The following UNC5D variants were observed in gnomAD, a reference collection of about 807,000 sequenced individuals.
UNC5D encodes the protein unc-5 netrin receptor D.
A neutral mutation model predicts 105.4 loss-of-function variants in UNC5D; 39 were observed. The observed-to-expected ratio is 0.37, with a 90% confidence interval of 0.29 to 0.48. The LOEUF (loss-of-function observed/expected upper bound fraction) is 0.48, where lower values mean the gene tolerates loss of function less well. Among genes scored for constraint, UNC5D ranks in the 20% least tolerant of loss-of-function variants. The pLI is 0.98. For missense variants in UNC5D, 991 were observed against 1,202.4 expected (o/e 0.82, Z 2.60); for synonymous variants, 452 against 450.4 (o/e 1.00, Z -0.04).
chr8:35,287,148 C>T (rs1459801671), intron 1 of UNC5D, among the ~76,000 whole-genome samples: 1 of 152,188 alleles, frequency 6.6e-6, no homozygotes, highest in East Asian at 1.9e-4. Context: ...CACCAAAAAA[C>T]ACCTGCAAAG....
intron 7 of UNC5D, among the ~76,000 whole-genome samples, chr8:35,697,514 G>A (rs1826873534): frequency 6.6e-6 from 1 of 151,892 alleles, no homozygotes; most frequent in Admixed American, 6.6e-5. Flanking sequence ...CTTAGGGACT[G>A]ACTTATCAAA....
chr8:35,522,428 G>C (rs146233869), intron 1 of UNC5D, among the ~76,000 whole-genome samples: 7 of 152,084 alleles, frequency 4.6e-5, no homozygotes, highest in Admixed American at 3.3e-4. Context: ...GAACTCCAAG[G>C]GTTTATGAAG....
At position 35,558,550 on chromosome 8, in the gene UNC5D, A is replaced by G. The variant is rs557973995; in HGVS notation, c.322+9040A>G. On this transcript the variant is annotated intron_variant, in intron 2 of 16. Coordinates refer to ENST00000404895, the MANE Select transcript of UNC5D (RefSeq NM_080872.4). ...TGAAGCAGTAAGAGACAAATGGAAA[A>G]CATTCCCTTATATAAGTGGAAGACT... Among the ~76,000 whole-genome samples, 36 of 152,294 alleles carry G rather than the reference A, an allele frequency of 2.4e-4. No individual in the cohort carries two copies. In the South Asian group the frequency reaches 5.6e-3, roughly 24 times the overall value.
intron 3 of UNC5D, among the ~76,000 whole-genome samples, chr8:35,587,941 T>C (rs779992026): frequency 2.2e-5 from 3 of 139,274 alleles, no homozygotes; most frequent in Non-Finnish European, 4.6e-5. Context: ...AATTTCTTTT[T>C]AGGGTTTTTC....
At chr8:35,428,737 A>G (rs1806426458) in intron 1 of UNC5D, among the ~76,000 whole-genome samples, 1 of 152,098 alleles carries the variant, frequency 6.6e-6, no homozygotes, top group Admixed American at 6.6e-5. Flanking sequence ...GTTTTCTAAC[A>G]TCACTTAACT....
At chr8:35,700,486 G>A (rs1423543316) in intron 7 of UNC5D, among the ~76,000 whole-genome samples, 1 of 151,954 alleles carries the variant, frequency 6.6e-6, no homozygotes, top group Non-Finnish European at 1.5e-5. Flanking sequence ...GTGTTTTAGT[G>A]ACTATAAGTT....
intron 11 of UNC5D, among the ~76,000 whole-genome samples, chr8:35,747,148 T>C (rs1830050869): frequency 6.6e-6 from 1 of 152,200 alleles, no homozygotes; most frequent in African/African-American, 2.4e-5. Flanking sequence ...CAGGGCTTCT[T>C]GGAGAGGGGA....
At chr8:35,372,415 T>C (rs1802473518) in intron 1 of UNC5D, among the ~76,000 whole-genome samples, 1 of 152,086 alleles carries the variant, frequency 6.6e-6, no homozygotes, top group Non-Finnish European at 1.5e-5. Flanking sequence ...TGAGCCACCA[T>C]GCCCAGATCT....
At chr8:35,686,742 G>A in intron 7 of UNC5D, 33 bp downstream of exon 7, 1 of 1,528,956 alleles carries the variant, frequency 6.5e-7, no homozygotes, top group Non-Finnish European at 8.8e-7. Context: ...TTCAGTGTTT[G>A]TTCATAATAC....
At chr8:35,386,801 T>G (rs1459464270) in intron 1 of UNC5D, among the ~76,000 whole-genome samples, 1 of 152,222 alleles carries the variant, frequency 6.6e-6, no homozygotes, top group Non-Finnish European at 1.5e-5. Context: ...AGGGACAATT[T>G]GAGCTTACCT....
chr8:35,521,260 CAAAG>C (rs909409288), intron 1 of UNC5D, among the ~76,000 whole-genome samples: 5 of 151,948 alleles, frequency 3.3e-5, no homozygotes, highest in African/African-American at 7.3e-5. Context: ...GAGAAAATAA[CAAAG>C]AAGAAGACGA....
chr8:35,552,775 C>T (rs1816260784), intron 2 of UNC5D, among the ~76,000 whole-genome samples: 1 of 152,144 alleles, frequency 6.6e-6, no homozygotes, highest in South Asian at 2.1e-4. Context: ...ATGGAGAGGC[C>T]TGGTGCTGGG....
intron 1 of UNC5D, among the ~76,000 whole-genome samples, chr8:35,447,606 A>C (rs74766405): frequency 0.028 from 4,189 of 152,178 alleles, 213 homozygotes; most frequent in African/African-American, 0.095. Context: ...ACTAAAGTAA[A>C]ATTTAAAGTG....
chr8:35,658,619 C>T (rs1384747763), intron 4 of UNC5D, among the ~76,000 whole-genome samples: 1 of 149,678 alleles, frequency 6.7e-6, no homozygotes, highest in African/African-American at 2.5e-5. Flanking sequence ...AGGAAGTGAC[C>T]TTAAAGGGAG....
intron 13 of UNC5D, among the ~76,000 whole-genome samples, chr8:35,755,875 A>T (rs1830497295): frequency 1.3e-5 from 2 of 152,172 alleles, no homozygotes; most frequent in South Asian, 2.1e-4. Flanking sequence ...ATCAAGCCTC[A>T]CTTTGGGGAT....
At chr8:35,271,273 A>C (rs915590729) in intron 1 of UNC5D, among the ~76,000 whole-genome samples, 1 of 145,716 alleles carries the variant, frequency 6.9e-6, no homozygotes, top group African/African-American at 2.5e-5. Context: ...ATATGTATAC[A>C]TATATGTGTG....
rs760238428 is a variant in UNC5D, at chr8:35,726,789, G to GT, written c.1681+263dup. On this transcript the variant is annotated intron_variant, in intron 10 of 16. Coordinates refer to ENST00000404895, the MANE Select transcript of UNC5D (RefSeq NM_080872.4). Reference sequence around the variant, plus strand: ...GCTGATAACTATATTTGCCTGAAAGGTTTGGGTAGTCCCCAGGCTTTAAGC... The same window carrying GT: ...GCTGATAACTATATTTGCCTGAAAGGTTTTGGGTAGTCCCCAGGCTTTAAGC... 1.5e-4 allele frequency: 79 copies of GT among 520,758 alleles called. 1 individual carries two copies. Among genetic ancestry groups the GT allele is most frequent in the Non-Finnish European group, 2.3e-4 (69 of 299,050 alleles). 32.3% of individuals were successfully genotyped at this position (520,758 alleles called of 1,614,324 possible).
chr8:35,728,091 A>AT (rs1467496369), intron 10 of UNC5D, among the ~76,000 whole-genome samples: 2 of 128,934 alleles, frequency 1.6e-5, no homozygotes, highest in African/African-American at 8.0e-5. Flanking sequence ...AAAAAAAAAA[A>AT]AAAAATATAT....
intron 1 of UNC5D, among the ~76,000 whole-genome samples, chr8:35,305,922 C>T (rs979346324): frequency 1.2e-4 from 14 of 120,424 alleles, no homozygotes; most frequent in African/African-American, 4.0e-4. Context: ...TCATTCTTTT[C>T]TCTCTCTCTC....
Sources: allele counts gnomAD v4.1 joint callset (sites outside exome capture counted in the v4.1 genomes callset), GRCh38; gene constraint gnomAD v4.1.1; transcripts MANE v1.5; gene names NCBI Gene and HGNC (gene_info 2026-07-23, HGNC 2026-07-21).